OTUD4: variants seen among roughly 807,000 people sequenced by gnomAD.
The protein encoded by OTUD4 is OTU domain-containing protein 4.
In OTUD4, 24 loss-of-function variants were observed where a neutral mutation model predicts 130.4. That is an observed-to-expected ratio of 0.18 (90% CI 0.13 to 0.26). The LOEUF (loss-of-function observed/expected upper bound fraction) is 0.26. Ranked by LOEUF, OTUD4 falls within the 10% of genes least tolerant of loss-of-function variation. OTUD4 has a pLI of 1.00. For missense variants in OTUD4, 1,031 were observed against 1,329.4 expected, an observed-to-expected ratio of 0.78 and a Z score of 3.49; for synonymous variants, 420 against 472.5, an observed-to-expected ratio of 0.89 and a Z score of 1.44.
At chr4:145,161,880 T>C (rs1361105194) in intron 6 of OTUD4, among the ~76,000 whole-genome samples, 1 of 152,202 alleles carries the variant, frequency 6.6e-6, no homozygotes, top group Non-Finnish European at 1.5e-5. Context: ...TATAAATCTT[T>C]ATTACCAAAA....
At chr4:145,167,891 T>C (rs1419569230) in intron 3 of OTUD4, among the ~76,000 whole-genome samples, 2 of 152,032 alleles carry the variant, frequency 1.3e-5, no homozygotes, top group African/African-American at 4.8e-5. Context: ...ATTCTATCCA[T>C]CTCAACAAAA....
In OTUD4 at chr4:145,136,154, G is replaced by C. The variant is rs1419158038; in HGVS notation, c.*1276C>G. The C allele has an allele frequency of 6.6e-6, 1 of 152,494 alleles. No homozygotes were observed. Among genetic ancestry groups the C allele is most frequent in the Non-Finnish European group, 1.5e-5 (1 of 68,002 alleles). 9.4% of individuals were successfully genotyped at this position (152,494 alleles called of 1,614,324 possible). ...GCACAAATAAAGAATATAAGCTACA[G>C]TTATTTTTACAAAATAACACAGATG... On this transcript the variant is annotated 3_prime_UTR_variant, in exon 21 of 21. Transcript: ENST00000447906.
Position 145,137,453 on chromosome 4 carries a change from C to T in OTUD4, c.3322G>A (p.Gly1108Ser). Residue 1108 changes from glycine to serine, a missense_variant, in exon 21 of 21, where the codon GGC becomes AGC. Transcript: ENST00000447906. ...GDRRRSGMGD[G>S]HRGQHT ...CATCAAGTGTGCTGTCCCCTATGGC[C>T]ATCTCCCATCCCTGATCTCCTCCTA... The T allele has an allele frequency of 6.2e-7, 1 of 1,610,474 alleles. No individual in the cohort carries two copies.
intron 18 of OTUD4, among the ~76,000 whole-genome samples, 166 bp from the exon 19 acceptor site, chr4:145,141,805 C>T (rs1014804736): frequency 4.6e-5 from 7 of 152,030 alleles, no homozygotes; most frequent in Non-Finnish European, 8.8e-5. Flanking sequence ...GAAATACGTC[C>T]AGGATACAAG....
At chr4:145,170,397 TCA>T (rs1560998559) in intron 3 of OTUD4, among the ~76,000 whole-genome samples, 1 of 152,224 alleles carries the variant, frequency 6.6e-6, no homozygotes, top group Non-Finnish European at 1.5e-5. Flanking sequence ...TCTGCTTTGC[TCA>T]CAGTTTTCAC....
intron 17 of OTUD4, among the ~76,000 whole-genome samples, chr4:145,143,088 A>G (rs1167457692): frequency 6.6e-6 from 1 of 152,250 alleles, no homozygotes; most frequent in East Asian, 1.9e-4. Flanking sequence ...AGTATCAAAT[A>G]TAACGATAAC....
chr4:145,160,061 T>C (rs1268140728), intron 6 of OTUD4, among the ~76,000 whole-genome samples: 1 of 152,202 alleles, frequency 6.6e-6, no homozygotes, highest in Non-Finnish European at 1.5e-5. Flanking sequence ...AACTGAGACT[T>C]AGGGATGTCA....
intron 8 of OTUD4, 105 bp from the exon 9 acceptor site, chr4:145,155,791 A>T: frequency 9.9e-7 from 1 of 1,014,280 alleles, no homozygotes; most frequent in East Asian, 2.5e-5. Context: ...AACTTCAAAA[A>T]ATTAGGAAGC....
In OTUD4 at chr4:145,134,087, A is replaced by C. The variant is rs576104844; in HGVS notation, c.*3343T>G. 1.3e-5 allele frequency: 2 copies of C among 152,772 alleles called. No homozygotes were observed. The highest frequency in any genetic ancestry group is 2.4e-5 in the African/African-American group (1 of 41,578). 9.5% of individuals were successfully genotyped at this position (152,772 alleles called of 1,614,324 possible). On this transcript the variant is annotated 3_prime_UTR_variant, in exon 21 of 21. Coordinates refer to ENST00000447906, the MANE Select transcript of OTUD4 (RefSeq NM_001366057.1). Reference sequence around the variant, plus strand: ...AAGACATGCACCCACCCCTCTTCTAAGATTTTCTAAAACTTGTATTTCGGG... The same window carrying C: ...AAGACATGCACCCACCCCTCTTCTACGATTTTCTAAAACTTGTATTTCGGG...
intron 3 of OTUD4, among the ~76,000 whole-genome samples, chr4:145,167,127 A>G (rs999493312): frequency 6.6e-6 from 1 of 152,292 alleles, no homozygotes; most frequent in Non-Finnish European, 1.5e-5. Flanking sequence ...TAATACATCT[A>G]TATTTTAAAA....
Position 145,138,264 on chromosome 4 carries a change from G to T in OTUD4, c.2511C>A (p.Phe837Leu), listed in dbSNP as rs761745222. ...GATTGGGTCCAAAAGATGGCTGGGG[G>T]AACATATTCTTGCCACTTAGTGACT... is the stretch of plus-strand genomic sequence containing the variant. The part of the protein sequence containing the change: ...YEESLSGKNM[F>L]PQPSFGPNPF... The change falls in exon 21 of 21, where the codon TTC (phenylalanine) becomes TTA (leucine). Residue 837 changes from phenylalanine to leucine, a missense_variant. Phe to Leu is a conservative substitution (Grantham distance 22). Coordinates refer to ENST00000447906, the MANE Select transcript of OTUD4 (RefSeq NM_001366057.1). 1.2e-6 allele frequency: 2 copies of T among 1,613,850 alleles called. No homozygotes were observed. The highest frequency in any genetic ancestry group is 2.7e-5 in the African/African-American group (2 of 74,916).
chr4:145,148,600 C>T lies in OTUD4; in HGVS notation c.1259+1913G>A, dbSNP rs572309343. Among the ~76,000 whole-genome samples, 12 of 152,080 alleles carry T rather than the reference C, an allele frequency of 7.9e-5. No individual in the cohort carries two copies. The South Asian group carries it at 1.9e-3, about 24-fold the overall frequency. On this transcript the variant is annotated intron_variant, in intron 13 of 20. Coordinates refer to ENST00000447906, the MANE Select transcript of OTUD4 (RefSeq NM_001366057.1). ...GCGATCAGAGTCAACACCAGAAACA[C>T]ACTGGATTATAAATTCAGTTTATAA... is the stretch of plus-strand genomic sequence containing the variant.
chr4:145,143,762 T>C (rs1438296452), intron 16 of OTUD4, among the ~76,000 whole-genome samples, 184 bp downstream of exon 16: 2 of 152,216 alleles, frequency 1.3e-5, no homozygotes, highest in African/African-American at 4.8e-5. Context: ...CTAATGTACC[T>C]TGAAGAAACT....
intron 11 of OTUD4, among the ~76,000 whole-genome samples, 172 bp from the exon 12 acceptor site, chr4:145,151,077 A>T (rs137967791): frequency 1.3e-4 from 20 of 149,150 alleles, no homozygotes; most frequent in African/African-American, 2.5e-4. Context: ...TAATTCTAAT[A>T]AAAAAAAATG....
intron 2 of OTUD4, among the ~76,000 whole-genome samples, chr4:145,173,060 C>G (rs570871608): frequency 1.3e-3 from 198 of 152,282 alleles, no homozygotes; most frequent in African/African-American, 4.2e-3. Context: ...AAACTTTTCC[C>G]CATGGAACTT....
At chr4:145,177,405 G>T (rs1177112149) in intron 1 of OTUD4, among the ~76,000 whole-genome samples, 1 of 152,228 alleles carries the variant, frequency 6.6e-6, no homozygotes, top group Non-Finnish European at 1.5e-5. Flanking sequence ...GAGAGTGCTG[G>T]TAATTCACAA....
intron 5 of OTUD4, among the ~76,000 whole-genome samples, chr4:145,163,445 G>C (rs1372179178): frequency 6.6e-6 from 1 of 152,098 alleles, no homozygotes; most frequent in East Asian, 1.9e-4. Flanking sequence ...CGACACCCTT[G>C]TGAGTAAAAT....
intron 1 of OTUD4, among the ~76,000 whole-genome samples, chr4:145,176,434 C>T (rs1489664236): frequency 6.6e-6 from 1 of 151,332 alleles, no homozygotes; most frequent in Non-Finnish European, 1.5e-5. Context: ...GCCTGTAATC[C>T]CAGCACTTTG....
At chr4:145,154,166 G>C (rs1033583985) in intron 10 of OTUD4, among the ~76,000 whole-genome samples, 2 of 152,182 alleles carry the variant, frequency 1.3e-5, no homozygotes, top group African/African-American at 4.8e-5. Context: ...GGTGGGGAGA[G>C]AGACCTTTAA....
Sources: gnomAD v4.1 joint callset for allele counts (sites outside exome capture counted in the v4.1 genomes callset) on GRCh38, gnomAD v4.1.1 for gene constraint, MANE v1.5 for transcripts, NCBI Gene and HGNC (gene_info 2026-07-23, HGNC 2026-07-21) for gene names.